ZBBX: variants seen among roughly 807,000 people sequenced by gnomAD.
ZBBX encodes the protein zinc finger B-box domain-containing protein 1.
Under a neutral mutation model 108.5 loss-of-function variants are expected in ZBBX, and 101 were observed. The observed-to-expected ratio is 0.93, with a 90% confidence interval of 0.79 to 1.10. The LOEUF is 1.10. ZBBX is among the 50% of genes least tolerant of loss of function. The pLI is 0.00. For synonymous variants in ZBBX, 356 were observed against 323.4 expected (o/e 1.10, Z -1.08); for missense variants, 1,009 against 941.4 (o/e 1.07, Z -0.94).
chr3:167,207,355 G>T, the ZBBX span, among the ~76,000 whole-genome samples: 1 of 152,108 alleles, frequency 6.6e-6, no homozygotes, highest in South Asian at 2.1e-4. Flanking sequence ...ATAACTCACA[G>T]ATGTAAGATA....
intron 9 of ZBBX, among the ~76,000 whole-genome samples, chr3:167,347,513 A>G (rs533651159): frequency 6.6e-6 from 1 of 152,046 alleles, no homozygotes; most frequent in African/African-American, 2.4e-5. Flanking sequence ...AACCACATAC[A>G]TGCAGAATCC....
At chr3:167,231,127 C>A in the ZBBX span, among the ~76,000 whole-genome samples, 1 of 151,728 alleles carries the variant, frequency 6.6e-6, no homozygotes, top group Non-Finnish European at 1.5e-5. Context: ...TGAAAATTTA[C>A]GATTCTGTTT....
intron 5 of ZBBX, among the ~76,000 whole-genome samples, chr3:167,367,171 G>A (rs2108573406): frequency 6.6e-6 from 1 of 151,914 alleles, no homozygotes; most frequent in East Asian, 1.9e-4. Flanking sequence ...TTTAGTACCA[G>A]CAAACGGACA....
intron 20 of ZBBX, among the ~76,000 whole-genome samples, chr3:167,275,617 C>A (rs1239670238): frequency 6.6e-6 from 1 of 152,214 alleles, no homozygotes; most frequent in Non-Finnish European, 1.5e-5. Context: ...GCACATGGCT[C>A]GGAGGGTCCT....
At chr3:167,213,956 A>G in the ZBBX span, among the ~76,000 whole-genome samples, 1 of 152,168 alleles carries the variant, frequency 6.6e-6, no homozygotes. Flanking sequence ...GTGAAGAAGA[A>G]ATAAGATCCT....
chr3:167,256,809 C>G (rs1723605681), intron 20 of ZBBX, among the ~76,000 whole-genome samples: 1 of 152,036 alleles, frequency 6.6e-6, no homozygotes, highest in African/African-American at 2.4e-5. Flanking sequence ...GGATCTCATT[C>G]TCTTTTATGG....
intron 2 of ZBBX, among the ~76,000 whole-genome samples, chr3:167,375,408 AT>A (rs1214735391): frequency 2.6e-5 from 4 of 152,038 alleles, no homozygotes; most frequent in African/African-American, 9.7e-5. Flanking sequence ...CCTGACTAAC[AT>A]GGTGAAACCC....
chr3:167,382,638 T>C (rs1460350049), upstream of ZBBX, among the ~76,000 whole-genome samples: 1 of 152,112 alleles, frequency 6.6e-6, no homozygotes, highest in Non-Finnish European at 1.5e-5. Flanking sequence ...ACAAGCATTA[T>C]CCAAAACTTA....
At chr3:167,282,045 T>C (rs1036877617) in intron 20 of ZBBX, among the ~76,000 whole-genome samples, 193 bp downstream of exon 20, 1 of 152,180 alleles carries the variant, frequency 6.6e-6, no homozygotes, top group Non-Finnish European at 1.5e-5. Context: ...TGGCTGGGCA[T>C]CCACACATTT....
At chr3:167,186,303 A>T in the ZBBX span, among the ~76,000 whole-genome samples, 2 of 152,118 alleles carry the variant, frequency 1.3e-5, no homozygotes, top group African/African-American at 2.4e-5. Context: ...TAGACAACTA[A>T]ATAAAATGAA....
At chr3:167,407,381 G>C (rs1489226432) in intron 1 of ZBBX, among the ~76,000 whole-genome samples, 1 of 151,996 alleles carries the variant, frequency 6.6e-6, no homozygotes, top group Non-Finnish European at 1.5e-5. Flanking sequence ...ACAAAAATAG[G>C]TACAATACTG....
intron 17 of ZBBX, 148 bp downstream of exon 17, chr3:167,305,495 G>A (rs1733473610): frequency 1.8e-6 from 1 of 550,554 alleles, no homozygotes; most frequent in Non-Finnish European, 2.8e-6. Context: ...TCTCCCGTAT[G>A]AGTCACTCTT....
chr3:167,346,554 A>G (rs764838516), intron 9 of ZBBX, among the ~76,000 whole-genome samples: 2 of 151,960 alleles, frequency 1.3e-5, no homozygotes, highest in Non-Finnish European at 2.9e-5. Context: ...CAGGTTAAAG[A>G]ATATAAAGTG....
chr3:167,342,477 C>A (rs1188564541), intron 9 of ZBBX, among the ~76,000 whole-genome samples: 1 of 151,620 alleles, frequency 6.6e-6, no homozygotes, highest in Non-Finnish European at 1.5e-5. Flanking sequence ...TTTTAAAATA[C>A]AAAACCATTC....
chr3:167,394,579 G>A (rs901138013), intron 1 of ZBBX, among the ~76,000 whole-genome samples: 2 of 151,780 alleles, frequency 1.3e-5, no homozygotes, highest in African/African-American at 4.8e-5. Flanking sequence ...CCATTGGGAA[G>A]AGAGGTAAGA....
At chr3:167,395,001 G>C (rs927316210) in intron 1 of ZBBX, among the ~76,000 whole-genome samples, 1 of 152,032 alleles carries the variant, frequency 6.6e-6, no homozygotes, top group African/African-American at 2.4e-5. Flanking sequence ...GAAGGAAATA[G>C]AGGCATATTA....
chr3:167,276,531 G>A (rs962838783), intron 20 of ZBBX, among the ~76,000 whole-genome samples: 1 of 151,972 alleles, frequency 6.6e-6, no homozygotes. Context: ...AAGTGAGAAG[G>A]GAAGTTTAGA....
At chr3:167,189,180 G>A in the ZBBX span, among the ~76,000 whole-genome samples, 1 of 152,048 alleles carries the variant, frequency 6.6e-6, no homozygotes, top group Non-Finnish European at 1.5e-5. Flanking sequence ...ACAGGACAAA[G>A]TACCTGTCCG....
At chr3:167,318,816 A>G (rs1444440555) in intron 12 of ZBBX, among the ~76,000 whole-genome samples, 1 of 151,894 alleles carries the variant, frequency 6.6e-6, no homozygotes, top group Middle Eastern at 3.2e-3. Context: ...TATGGGCATC[A>G]TACTTTAAAA....
Sources: allele counts gnomAD v4.1 joint callset (sites outside exome capture counted in the v4.1 genomes callset), GRCh38; gene constraint gnomAD v4.1.1; transcripts MANE v1.5; gene names NCBI Gene and HGNC (gene_info 2026-07-23, HGNC 2026-07-21).